Variants in SUCO observed in about 807,000 individuals in gnomAD.
SUCO encodes the protein SUN domain-containing ossification factor.
SUCO carries 57 observed loss-of-function variants against 148.1 expected under a neutral mutation model. The ratio of observed to expected loss-of-function variants is 0.38; its 90% CI spans 0.31 to 0.48. The LOEUF is 0.48. SUCO is among the 20% of genes least tolerant of loss of function. The pLI, the probability that SUCO is intolerant of heterozygous loss-of-function variation, is 0.96. For synonymous variants in SUCO, 470 were observed against 502.7 expected, an observed-to-expected ratio of 0.93 and a Z score of 0.87; for missense variants, 1,331 against 1,468.2, an observed-to-expected ratio of 0.91 and a Z score of 1.53.
At chr1:172,606,609 C>T (rs568183337) in intron 22 of SUCO, among the ~76,000 whole-genome samples, 177 of 151,788 alleles carry the variant, frequency 1.2e-3, no homozygotes, top group Non-Finnish European at 1.9e-3. Context: ...TTTAAATTTA[C>T]CCCACGTTTA....
chr1:172,544,694 G>A (rs905407012), intron 1 of SUCO, among the ~76,000 whole-genome samples: 5 of 152,134 alleles, frequency 3.3e-5, no homozygotes, highest in East Asian at 3.9e-4. Flanking sequence ...GCTCTGTATC[G>A]CTGAAGCATA....
chr1:172,571,591 C>T (rs201851219), intron 9 of SUCO, among the ~76,000 whole-genome samples: 1,473 of 141,552 alleles, frequency 0.01, 30 homozygotes, highest in African/African-American at 0.036. Flanking sequence ...TCTGCCCGGC[C>T]GCCATCCCAT....
intron 5 of SUCO, 57 bp downstream of exon 5, chr1:172,557,474 G>A: frequency 6.3e-7 from 1 of 1,599,394 alleles, no homozygotes; most frequent in Non-Finnish European, 8.5e-7. Context: ...GCAGTGTCCT[G>A]TTTGAATGGA....
rs765942837 is a variant in SUCO at position 172,610,310 on chromosome 1, G to A, written c.*51G>A. 1 of 1,523,358 alleles carries A rather than the reference G, an allele frequency of 6.6e-7. No individual in the cohort carries two copies. Among genetic ancestry groups the A allele is most frequent in the Non-Finnish European group, 8.8e-7 (1 of 1,139,890 alleles). 94.4% of individuals were successfully genotyped at this position (1,523,358 alleles called of 1,614,324 possible). On this transcript the variant is annotated 3_prime_UTR_variant, in exon 24 of 24. Coordinates refer to ENST00000263688, the MANE Select transcript of SUCO (RefSeq NM_014283.5). Reference sequence around the variant, plus strand: ...GACTTTTTTGTTGTTGTTCTTTGAAGAACAGTCTGTAGTATTTGAAGGGTT... The same window carrying A: ...GACTTTTTTGTTGTTGTTCTTTGAAAAACAGTCTGTAGTATTTGAAGGGTT...
chr1:172,546,484 G>T (rs961067419), intron 1 of SUCO, among the ~76,000 whole-genome samples: 2 of 152,162 alleles, frequency 1.3e-5, no homozygotes, highest in Non-Finnish European at 2.9e-5. Flanking sequence ...CATGATTTTC[G>T]TAGTGGCAAC....
At chr1:172,556,141 C>G (rs1005707946) in intron 4 of SUCO, 118 bp downstream of exon 4, 1 of 693,598 alleles carries the variant, frequency 1.4e-6, no homozygotes, top group Non-Finnish European at 2.4e-6. Context: ...ATATAGCAGA[C>G]CTAAATTACA....
intron 19 of SUCO, among the ~76,000 whole-genome samples, chr1:172,598,887 T>G (rs1287571953): frequency 6.6e-6 from 1 of 152,220 alleles, no homozygotes. Flanking sequence ...AGTACCATAG[T>G]GGATCACAGT....
chr1:172,535,751 A>T (rs933646393), intron 1 of SUCO, among the ~76,000 whole-genome samples: 1 of 152,168 alleles, frequency 6.6e-6, no homozygotes, highest in Non-Finnish European at 1.5e-5. Context: ...TGAGTGCTGT[A>T]TGTCTGTTCT....
At chr1:172,593,955 C>T (rs12750347) in intron 19 of SUCO, among the ~76,000 whole-genome samples, 1 of 152,108 alleles carries the variant, frequency 6.6e-6, no homozygotes, top group Non-Finnish European at 1.5e-5. Flanking sequence ...ATTTCAGAGC[C>T]TGTTATTGGT....
In SUCO at chr1:172,543,759, G is replaced by A. The variant is rs546135722; in HGVS notation, c.63-7753G>A. 1.2e-3 allele frequency among the ~76,000 whole-genome samples: 187 copies of A among 152,164 alleles called. 2 individuals are homozygous for A. Among genetic ancestry groups the A allele is most frequent in the Non-Finnish European group, 1.6e-3 (106 of 67,990 alleles). On this transcript the variant is annotated intron_variant, in intron 1 of 23. Transcript: ENST00000263688. ...TCTCAGCTAAGCTGTACAATTGCAC[G>A]TGATTTGACTATGGACTGTTGATGC...
chr1:172,568,490 A>G, intron 6 of SUCO: 1 of 925,346 alleles, frequency 1.1e-6, no homozygotes, highest in Non-Finnish European at 1.3e-6. Context: ...CATCTTATTA[A>G]CATGATTTAT....
intron 8 of SUCO, 189 bp downstream of exon 8, chr1:172,570,360 C>T (rs1395438293): frequency 6.2e-6 from 3 of 487,652 alleles, no homozygotes; most frequent in Admixed American, 3.9e-5. Context: ...GTATTTTGCC[C>T]TGCATTTTTT....
chr1:172,552,616 G>A, intron 2 of SUCO: 4 of 981,768 alleles, frequency 4.1e-6, no homozygotes, highest in South Asian at 4.7e-5. Context: ...TTCTGGGATG[G>A]AGCATTTAAA....
At chr1:172,609,099 C>CA (rs1356449701) in intron 23 of SUCO, 24 of 352,376 alleles carry the variant, frequency 6.8e-5, no homozygotes, top group East Asian at 3.3e-4. Context: ...TGACCCTTCA[C>CA]AAAAAAAATT....
intron 15 of SUCO, among the ~76,000 whole-genome samples, chr1:172,583,506 G>A (rs764966993): frequency 2.6e-5 from 4 of 152,042 alleles, no homozygotes; most frequent in Non-Finnish European, 5.9e-5. Flanking sequence ...CCATCCTGAA[G>A]CATATATTTA....
intron 6 of SUCO, among the ~76,000 whole-genome samples, chr1:172,564,605 CT>C (rs57265081): frequency 0.025 from 3,595 of 144,334 alleles, 106 homozygotes; most frequent in African/African-American, 0.076. Flanking sequence ...TTCAGTTAAA[CT>C]TTTTTTTTTT....
intron 6 of SUCO, among the ~76,000 whole-genome samples, chr1:172,563,824 G>A (rs1469422170): frequency 6.6e-6 from 1 of 152,172 alleles, no homozygotes; most frequent in Non-Finnish European, 1.5e-5. Flanking sequence ...CACCTTCATG[G>A]CAGCCCCTCC....
At chr1:172,590,211 T>C (rs1656547255) in intron 18 of SUCO, 1 of 504,058 alleles carries the variant, frequency 2.0e-6, no homozygotes, top group Non-Finnish European at 2.6e-6. Context: ...TTTCGGTTGC[T>C]TAACTTTAGC....
In SUCO at chr1:172,589,271, A is replaced by G; in HGVS notation, c.2170A>G (p.Ser724Gly). 6.2e-7 allele frequency: 1 copy of G among 1,613,814 alleles called. No homozygotes were observed. The highest frequency in any genetic ancestry group is 8.5e-7 in the Non-Finnish European group (1 of 1,179,862). ...TGTAGATGCAGTTGAACTTGAACCA[A>G]GCCATTCTCAAACTCTTTCTCAGTC... The part of the protein sequence containing the change: ...HTVDAVELEP[S>G]HSQTLSQSLL... Residue 724 changes from serine to glycine, a missense_variant, in exon 18 of 24, where the codon AGC (serine) becomes GGC (glycine). Transcript: ENST00000263688.
Sources: allele counts gnomAD v4.1 joint callset (sites outside exome capture counted in the v4.1 genomes callset), GRCh38; gene constraint gnomAD v4.1.1; transcripts MANE v1.5; gene names NCBI Gene and HGNC (gene_info 2026-07-23, HGNC 2026-07-21).